PCSK5: variants seen among roughly 807,000 people sequenced by gnomAD.
PCSK5 encodes prohormone convertase 5.
A neutral mutation model predicts 233.2 loss-of-function variants in PCSK5; 129 were observed. The ratio of observed to expected loss-of-function variants is 0.55; its 90% confidence interval spans 0.48 to 0.64. The LOEUF (loss-of-function observed/expected upper bound fraction) is 0.64. Ranked by LOEUF, PCSK5 falls within the 30% of genes least tolerant of loss-of-function variation. The probability of loss-of-function intolerance (pLI) is 0.00; values close to 1 mark genes in which losing one functional copy is unlikely to be tolerated. For synonymous variants in PCSK5, 825 were observed against 879.2 expected (o/e 0.94, Z 1.09); for missense variants, 2,076 against 2,430.1 (o/e 0.85, Z 3.06).
intron 5 of PCSK5, among the ~76,000 whole-genome samples, chr9:76,041,131 C>A (rs1401513348): frequency 1.3e-5 from 2 of 152,054 alleles, no homozygotes; most frequent in Admixed American, 1.3e-4. Flanking sequence ...ATTTTAAAAT[C>A]TTATTTACGT....
chr9:76,075,100 A>G (rs983248696), intron 7 of PCSK5, among the ~76,000 whole-genome samples: 1 of 152,096 alleles, frequency 6.6e-6, no homozygotes, highest in Non-Finnish European at 1.5e-5. Context: ...GGTGCCTGTA[A>G]TCCCAACTAC....
chr9:76,009,340 C>A (rs1827622305), intron 3 of PCSK5, among the ~76,000 whole-genome samples: 1 of 151,890 alleles, frequency 6.6e-6, no homozygotes, highest in Admixed American at 6.6e-5. Flanking sequence ...GTTTTCTCTT[C>A]ATGTTTGATT....
intron 7 of PCSK5, among the ~76,000 whole-genome samples, chr9:76,080,320 C>T (rs1830789111): frequency 6.6e-6 from 1 of 152,156 alleles, no homozygotes; most frequent in Admixed American, 6.6e-5. Context: ...TACAATATGA[C>T]ACACACGCAC....
intron 10 of PCSK5, among the ~76,000 whole-genome samples, chr9:76,149,692 C>G (rs1823584198): frequency 6.6e-6 from 1 of 152,120 alleles, no homozygotes; most frequent in African/African-American, 2.4e-5. Flanking sequence ...TTTGTCCAGA[C>G]AGTCATTCCT....
At chr9:76,021,922 A>G (rs1453891811) in intron 3 of PCSK5, among the ~76,000 whole-genome samples, 1 of 152,120 alleles carries the variant, frequency 6.6e-6, no homozygotes, top group Non-Finnish European at 1.5e-5. Context: ...AGCTCCAACA[A>G]TACCCATCCT....
At chr9:76,111,635 A>G (rs1832220420) in intron 9 of PCSK5, among the ~76,000 whole-genome samples, 1 of 152,168 alleles carries the variant, frequency 6.6e-6, no homozygotes, top group South Asian at 2.1e-4. Context: ...AATAGGGAAC[A>G]TGTAACCAGT....
At chr9:76,194,526 ACTC>A (rs1463726652) in intron 20 of PCSK5, 2 of 160,200 alleles carry the variant, frequency 1.2e-5, no homozygotes, top group Non-Finnish European at 2.7e-5. Flanking sequence ...TTATTTTTCT[ACTC>A]CTCTGTCCCT....
intron 20 of PCSK5, among the ~76,000 whole-genome samples, chr9:76,213,027 C>T (rs931914836): frequency 7.9e-5 from 12 of 152,164 alleles, no homozygotes; most frequent in Admixed American, 3.9e-4. Flanking sequence ...ACAAAGCTAT[C>T]ATTTGATCCT....
chr9:76,021,310 G>C (rs1828176074), intron 3 of PCSK5, among the ~76,000 whole-genome samples: 1 of 152,058 alleles, frequency 6.6e-6, no homozygotes. Context: ...GGATTGCATA[G>C]AACAGAGAGA....
chr9:76,318,496 ACCTCATCTATCCATC>A (rs1829096253), intron 30 of PCSK5, among the ~76,000 whole-genome samples: 1 of 151,974 alleles, frequency 6.6e-6, no homozygotes, highest in South Asian at 2.1e-4. Flanking sequence ...AAAAAAAGAA[ACCTCATCTATCCATC>A]CCTCATCTCC....
intron 28 of PCSK5, among the ~76,000 whole-genome samples, chr9:76,307,282 A>G (rs561092075): frequency 1.3e-5 from 2 of 152,334 alleles, no homozygotes; most frequent in East Asian, 3.9e-4. Context: ...ATGAGAAGAA[A>G]GAAGATGAAA....
intron 5 of PCSK5, among the ~76,000 whole-genome samples, chr9:76,036,271 G>GA (rs1307996938): frequency 2.4e-4 from 36 of 152,276 alleles, no homozygotes; most frequent in African/African-American, 8.4e-4. Context: ...TAATACCAAT[G>GA]ATAGGTATGC....
intron 25 of PCSK5, among the ~76,000 whole-genome samples, chr9:76,293,218 CA>C (rs1828332141): frequency 6.6e-6 from 1 of 151,894 alleles, no homozygotes; most frequent in East Asian, 1.9e-4. Context: ...CCCACCTGTC[CA>C]AAAACAAATA....
At chr9:75,964,762 T>C (rs1366281166) in intron 2 of PCSK5, among the ~76,000 whole-genome samples, 1 of 152,262 alleles carries the variant, frequency 6.6e-6, no homozygotes, top group Non-Finnish European at 1.5e-5. Context: ...ATTAATTAAG[T>C]GCTCATTGCG....
chr9:75,964,712 G>A (rs1471421162), intron 2 of PCSK5, among the ~76,000 whole-genome samples: 1 of 152,206 alleles, frequency 6.6e-6, no homozygotes, highest in African/African-American at 2.4e-5. Context: ...TTGGTTTGAT[G>A]AATGCCTTTG....
At chr9:76,084,411 C>G (rs1049156613) in intron 7 of PCSK5, among the ~76,000 whole-genome samples, 1 of 152,114 alleles carries the variant, frequency 6.6e-6, no homozygotes, top group Non-Finnish European at 1.5e-5. Context: ...TTTAGAGATC[C>G]ATTAGTAACT....
intron 10 of PCSK5, among the ~76,000 whole-genome samples, chr9:76,149,632 T>C (rs1278548465): frequency 1.3e-5 from 2 of 152,342 alleles, no homozygotes; most frequent in African/African-American, 4.8e-5. Flanking sequence ...AATCTTCAAC[T>C]AGCCTTTACC....
intron 9 of PCSK5, among the ~76,000 whole-genome samples, chr9:76,120,903 T>G (rs140850879): frequency 6.6e-6 from 1 of 152,166 alleles, no homozygotes; most frequent in East Asian, 1.9e-4. Context: ...TAATTGGAGT[T>G]TTTTCATCTG....
chr9:75,958,199 G>T (rs1825178616), intron 2 of PCSK5, among the ~76,000 whole-genome samples: 2 of 152,076 alleles, frequency 1.3e-5, no homozygotes, highest in South Asian at 4.2e-4. Context: ...AAGATTTAAG[G>T]TCTAAGTTGG....
Sources: allele counts gnomAD v4.1 joint callset (sites outside exome capture counted in the v4.1 genomes callset), GRCh38; gene constraint gnomAD v4.1.1; transcripts MANE v1.5; gene names NCBI Gene and HGNC (gene_info 2026-07-23, HGNC 2026-07-21).